Variants in SCARB2 observed in about 807,000 individuals in gnomAD.
The protein encoded by SCARB2 is lysosome membrane protein 2.
In SCARB2, 29 loss-of-function variants were observed where a neutral mutation model predicts 58.6. The observed-to-expected ratio is 0.49, with a 90% CI of 0.37 to 0.67. SCARB2 has a LOEUF of 0.67. Ranked by LOEUF, SCARB2 falls within the 30% of genes least tolerant of loss-of-function variation. The pLI is 0.00. For synonymous variants in SCARB2, 195 were observed against 210.1 expected (o/e 0.93, Z 0.62); for missense variants, 488 against 578.5 (o/e 0.84, Z 1.60).
intron 1 of SCARB2, among the ~76,000 whole-genome samples, chr4:76,223,520 T>TA (rs1204993466): frequency 1.3e-5 from 2 of 152,188 alleles, no homozygotes; most frequent in Non-Finnish European, 2.9e-5. Context: ...TTGTCTTTAT[T>TA]ATCACCGCCC....
intron 1 of SCARB2, among the ~76,000 whole-genome samples, chr4:76,212,475 A>C (rs1311513707): frequency 6.6e-6 from 1 of 152,250 alleles, no homozygotes; most frequent in Non-Finnish European, 1.5e-5. Context: ...AGTGATTCAA[A>C]GTAGACTAGG....
chr4:76,230,422 C>T (rs1446729422), intron 1 of SCARB2, among the ~76,000 whole-genome samples: 1 of 152,078 alleles, frequency 6.6e-6, no homozygotes, highest in Non-Finnish European at 1.5e-5. Context: ...TCAGACCTTG[C>T]CCCAGGCTAT....
intron 2 of SCARB2, among the ~76,000 whole-genome samples, chr4:76,189,470 T>C (rs575789019): frequency 9.5e-4 from 90 of 94,484 alleles, no homozygotes; most frequent in Admixed American, 2.5e-3. Context: ...GGGTTTTTGT[T>C]TGTCTGTTGT....
chr4:76,188,443 T>C (rs981571722), intron 2 of SCARB2, among the ~76,000 whole-genome samples: 4 of 152,226 alleles, frequency 2.6e-5, no homozygotes, highest in African/African-American at 9.6e-5. Context: ...CTCCCCAGTA[T>C]GTGAAAGGTT....
In SCARB2 at chr4:76,181,086, T is replaced by C. The variant is rs377635556; in HGVS notation, c.291A>G (p.Lys97=). ...CATTATCTCCAAATTGAATATTTGC[T>C]TTGTTTCTGAGTTCCCTAAAAGAAA... ...GPYTYRELRN[K]ANIQFGDNGT... The change falls in exon 3 of 12, where the codon AAA becomes AAG. Residue 97 remains lysine (K), a synonymous_variant. Transcript: ENST00000264896. 80 of 1,613,776 alleles carry C rather than the reference T, an allele frequency of 5.0e-5. No homozygotes were observed. The highest frequency in any genetic ancestry group is 6.6e-5 in the Non-Finnish European group (78 of 1,179,876).
rs556916947 is a variant in SCARB2, at chr4:76,195,374, T to A, written c.275+333A>T. On this transcript the variant is annotated intron_variant, in intron 2 of 11. Coordinates refer to ENST00000264896, the MANE Select transcript of SCARB2 (RefSeq NM_005506.4). ...AGCCAGACCTTGTCTCTTAAAAAAA[T>A]AAAATAAAATAAAATAAGAATATCA... The A allele has an allele frequency of 4.7e-3, 963 of 205,484 alleles. 21 individuals are homozygous for A. The highest frequency in any genetic ancestry group is 0.021 in the African/African-American group (915 of 42,870). The allele number at this position is 205,484 out of a possible 1,614,324, so 12.7% of individuals were successfully genotyped here.
chr4:76,197,949 A>G (rs1395534407), intron 1 of SCARB2, among the ~76,000 whole-genome samples: 1 of 152,260 alleles, frequency 6.6e-6, no homozygotes, highest in East Asian at 1.9e-4. Context: ...TGTTATGGAT[A>G]GACCCTAAGG....
intron 1 of SCARB2, among the ~76,000 whole-genome samples, chr4:76,212,841 C>G (rs905803709): frequency 2.0e-5 from 3 of 152,200 alleles, no homozygotes; most frequent in African/African-American, 7.2e-5. Flanking sequence ...TGAGACAAAG[C>G]AACACAGACT....
intron 1 of SCARB2, among the ~76,000 whole-genome samples, chr4:76,228,182 A>T (rs4530661): frequency 6.6e-6 from 1 of 151,470 alleles, no homozygotes; most frequent in African/African-American, 2.4e-5. Context: ...TTTTATTTCA[A>T]GATTTAGAAT....
intron 1 of SCARB2, among the ~76,000 whole-genome samples, chr4:76,226,490 G>A (rs958277781): frequency 2.0e-5 from 3 of 152,202 alleles, no homozygotes; most frequent in African/African-American, 7.2e-5. Context: ...CTGAGCCCTG[G>A]ATTCCATCCA....
At chr4:76,233,214 T>C (rs1445830723) in intron 1 of SCARB2, among the ~76,000 whole-genome samples, 1 of 152,362 alleles carries the variant, frequency 6.6e-6, no homozygotes, top group East Asian at 1.9e-4. Flanking sequence ...GTTGTTCTAA[T>C]TGTGTGCTAA....
rs74803443 is a variant in SCARB2, at chr4:76,219,094, G to T, written c.-358+15209C>A. Reference sequence around the variant, plus strand: ...CCAGGCTCTTAACCCCTTAGCCACTGCTTGGGACTTCTGGCCTCATGCTTA... The same window carrying T: ...CCAGGCTCTTAACCCCTTAGCCACTTCTTGGGACTTCTGGCCTCATGCTTA... On this transcript the variant is annotated intron_variant, in intron 1 of 11. Coordinates refer to the SCARB2 transcript ENST00000638295. 4.8e-3 allele frequency among the ~76,000 whole-genome samples: 731 copies of T among 152,302 alleles called. 5 individuals are homozygous for T. The highest frequency in any genetic ancestry group is 0.016 in the African/African-American group (669 of 41,556).
chr4:76,186,595 G>T (rs1285039457), intron 2 of SCARB2, among the ~76,000 whole-genome samples: 5 of 152,174 alleles, frequency 3.3e-5, no homozygotes, highest in Non-Finnish European at 7.3e-5. Context: ...GCAGGGTCGG[G>T]AGAAGACTCA....
intron 4 of SCARB2, 54 bp downstream of exon 4, chr4:76,179,462 GC>G: frequency 8.1e-7 from 1 of 1,238,104 alleles, no homozygotes; most frequent in South Asian, 1.2e-5. Context: ...GGCTTGGGGT[GC>G]CCCAACCCAC....
chr4:76,223,828 C>T (rs1052378720), intron 1 of SCARB2, among the ~76,000 whole-genome samples: 1 of 151,266 alleles, frequency 6.6e-6, no homozygotes, highest in Non-Finnish European at 1.5e-5. Flanking sequence ...AGGAGAGTGT[C>T]CCTGGCCTGC....
intron 1 of SCARB2, among the ~76,000 whole-genome samples, chr4:76,228,474 A>C (rs895824919): frequency 6.7e-6 from 1 of 150,066 alleles, no homozygotes; most frequent in Non-Finnish European, 1.5e-5. Context: ...GTAAGCCTCC[A>C]TCTTAAAAAA....
At chr4:76,182,043 C>CAAAATTTATGCCA (rs112188157) in intron 2 of SCARB2, among the ~76,000 whole-genome samples, 30,200 of 151,678 alleles carry the variant, frequency 0.2, 3,427 homozygotes, top group East Asian at 0.35. Flanking sequence ...TTATTAAAAC[C>CAAAATTTATGCCA]AAAATTTATG....
In SCARB2 at chr4:76,204,890, C is replaced by T. The variant is rs148382729; in HGVS notation, c.117+8537G>A. Among the ~76,000 whole-genome samples the T allele has an allele frequency of 4.3e-4, 66 of 152,178 alleles. 1 individual carries two copies. The East Asian group carries it at 8.9e-3, about 20-fold the overall frequency. ...CCACTACTGTTGATTATCAGAAGTACAGTGTTAAAAGAAAATATCCTTAAA... is the reference window on the plus strand; with the variant it reads ...CCACTACTGTTGATTATCAGAAGTATAGTGTTAAAAGAAAATATCCTTAAA... On this transcript the variant is annotated intron_variant, in intron 1 of 11. Coordinates refer to ENST00000264896, the MANE Select transcript of SCARB2 (RefSeq NM_005506.4).
At chr4:76,209,333 G>T (rs538738144) in intron 1 of SCARB2, among the ~76,000 whole-genome samples, 25 of 152,038 alleles carry the variant, frequency 1.6e-4, no homozygotes, top group South Asian at 6.2e-4. Flanking sequence ...AAAGCAATCT[G>T]GTTATCAGTG....
Sources: gnomAD v4.1 joint callset for allele counts (sites outside exome capture counted in the v4.1 genomes callset) on GRCh38, gnomAD v4.1.1 for gene constraint, MANE v1.5 for transcripts, NCBI Gene and HGNC (gene_info 2026-07-23, HGNC 2026-07-21) for gene names.